Variants in PCDHGA3 observed in about 807,000 individuals in gnomAD.
The protein encoded by PCDHGA3 is protocadherin gamma-A3.
In PCDHGA3, 40 loss-of-function variants were observed where a neutral mutation model predicts 58.5. The ratio of observed to expected loss-of-function variants is 0.68; its 90% CI spans 0.53 to 0.89. PCDHGA3 has a LOEUF of 0.89. PCDHGA3 is among the 40% of genes least tolerant of loss of function. PCDHGA3 has a pLI of 0.00. For synonymous variants in PCDHGA3, 530 were observed against 525.7 expected (o/e 1.01, Z -0.11); for missense variants, 1,223 against 1,195.9 (o/e 1.02, Z -0.33).
At chr5:141,453,201 C>A (rs115660512) in intron 1 of PCDHGA3, among the ~76,000 whole-genome samples, 1 of 152,206 alleles carries the variant, frequency 6.6e-6, no homozygotes, top group South Asian at 2.1e-4. Flanking sequence ...GCAGCCTCAA[C>A]CTCGTGCACT....
chr5:141,357,517 C>T (rs1051091923), intron 1 of PCDHGA3: 6 of 1,614,246 alleles, frequency 3.7e-6, no homozygotes, highest in Non-Finnish European at 5.1e-6. Flanking sequence ...CTTCTCCCAA[C>T]CCAGCTATGC....
At chr5:141,468,402 T>A (rs2154569909) in intron 1 of PCDHGA3, 1 of 150,014 alleles carries the variant, frequency 6.7e-6, no homozygotes, top group East Asian at 2.0e-4. Context: ...TGGTGAGAAC[T>A]AATAATAAGT....
chr5:141,405,187 GGTTCGAGCTT>G (rs2094622612), intron 1 of PCDHGA3: 1 of 1,613,360 alleles, frequency 6.2e-7, no homozygotes, highest in African/African-American at 1.3e-5. Context: ...GTGTAGATGG[GGTTCGAGCTT>G]TCCTACAGAC....
chr5:141,398,842 C>T (rs2093712910), intron 1 of PCDHGA3: 2 of 1,613,974 alleles, frequency 1.2e-6, no homozygotes, highest in Non-Finnish European at 1.7e-6. Flanking sequence ...CAATGATAAT[C>T]CCCCGGTATT....
intron 1 of PCDHGA3, among the ~76,000 whole-genome samples, chr5:141,354,582 G>A (rs748405111): frequency 1.3e-5 from 2 of 152,178 alleles, no homozygotes; most frequent in Non-Finnish European, 2.9e-5. Flanking sequence ...CATAAATTGG[G>A]ACTAAAGCCA....
At chr5:141,455,430 G>C (rs190218223) in intron 1 of PCDHGA3, among the ~76,000 whole-genome samples, 1 of 152,274 alleles carries the variant, frequency 6.6e-6, no homozygotes, top group Admixed American at 6.5e-5. Flanking sequence ...CTCCAAAAGA[G>C]GAGGTCCCCA....
intron 1 of PCDHGA3, chr5:141,365,876 G>T: frequency 1.2e-6 from 2 of 1,614,122 alleles, no homozygotes; most frequent in Non-Finnish European, 1.7e-6. Context: ...TGTCCTGTAT[G>T]CTCTGAGATC....
intron 1 of PCDHGA3, chr5:141,413,677 G>T (rs539552615): frequency 6.2e-7 from 1 of 1,613,794 alleles, no homozygotes; most frequent in East Asian, 2.2e-5. Flanking sequence ...GGATGTGGGC[G>T]TGAACTCCCT....
At chr5:141,368,400 C>T (rs1765636638) in intron 1 of PCDHGA3, among the ~76,000 whole-genome samples, 1 of 152,106 alleles carries the variant, frequency 6.6e-6, no homozygotes, top group Admixed American at 6.6e-5. Flanking sequence ...CACAAACACA[C>T]ATACATACAC....
intron 1 of PCDHGA3, chr5:141,357,431 A>T: frequency 6.2e-7 from 1 of 1,614,198 alleles, no homozygotes; most frequent in Non-Finnish European, 8.5e-7. Context: ...GTGGGCGTGG[A>T]CGGGGTTCGG....
chr5:141,500,005 G>A (rs994274763), intron 2 of PCDHGA3, among the ~76,000 whole-genome samples: 30 of 151,476 alleles, frequency 2.0e-4, no homozygotes, highest in Non-Finnish European at 3.8e-4. Context: ...TCTTTCATAA[G>A]GTCCACATTT....
At chr5:141,484,425 A>G (rs2099596309) in intron 1 of PCDHGA3, among the ~76,000 whole-genome samples, 3 of 152,192 alleles carry the variant, frequency 2.0e-5, no homozygotes, top group African/African-American at 7.2e-5. Flanking sequence ...TACAATGAGA[A>G]CATGTACTGC....
rs1202100936 is a variant in PCDHGA3, at chr5:141,345,105, G to C, written c.1072G>C (p.Glu358Gln). Residue 358 changes from glutamate to glutamine, a missense_variant, in exon 1 of 4, where the codon GAA becomes CAA. Coordinates refer to ENST00000253812, the MANE Select transcript of PCDHGA3 (RefSeq NM_018916.4). Reference sequence around the variant, plus strand: ...CACGTCTCTCACAAGCTCAGTCCCAGAAGAGGGCACCGTTGGAAGAGAAAT... The same window carrying C: ...CACGTCTCTCACAAGCTCAGTCCCACAAGAGGGCACCGTTGGAAGAGAAAT... ...TITSLTSSVP[E>Q]EGTVGREIAL... The C allele has an allele frequency of 1.9e-6, 3 of 1,614,016 alleles. No individual in the cohort carries two copies. The highest frequency in any genetic ancestry group is 2.2e-5 in the East Asian group (1 of 44,886).
intron 1 of PCDHGA3, among the ~76,000 whole-genome samples, chr5:141,467,296 A>T (rs1032802325): frequency 1.3e-5 from 2 of 151,740 alleles, no homozygotes; most frequent in South Asian, 4.2e-4. Flanking sequence ...CAAGTGATCC[A>T]CTCACCTCGG....
intron 1 of PCDHGA3, chr5:141,396,409 A>C (rs2093377043): frequency 6.6e-6 from 1 of 152,270 alleles, no homozygotes; most frequent in Non-Finnish European, 1.5e-5. Context: ...ACCTGAGGTC[A>C]GGAGTTCAAG....
intron 1 of PCDHGA3, chr5:141,400,547 C>T (rs534226736): frequency 2.5e-6 from 4 of 1,613,676 alleles, no homozygotes; most frequent in Non-Finnish European, 3.4e-6. Context: ...TATGTCTATT[C>T]TTTTTCATTA....
intron 1 of PCDHGA3, among the ~76,000 whole-genome samples, chr5:141,348,961 C>G (rs371733898): frequency 1.3e-5 from 2 of 152,230 alleles, no homozygotes; most frequent in East Asian, 3.9e-4. Flanking sequence ...AGAATAAGTT[C>G]CAAAATTGGG....
In PCDHGA3 at chr5:141,476,374, GTTTGTGAACGACCGTC is replaced by G. The variant is rs1424626307; in HGVS notation, c.2425-18431_2425-18416del. 1 of 1,614,060 alleles carries G rather than the reference GTTTGTGAACGACCGTC, an allele frequency of 6.2e-7. No individual in the cohort carries two copies. The highest frequency in any genetic ancestry group is 1.3e-5 in the African/African-American group (1 of 74,922). Reference sequence around the variant, plus strand: ...AGGTGAACCGGGAGACCGGAGAGATGTTTGTGAACGACCGTCTGGATCGAGAGGAGCTGTGTGGGAC... The same window carrying G: ...AGGTGAACCGGGAGACCGGAGAGATGTGGATCGAGAGGAGCTGTGTGGGAC... On this transcript the variant is annotated intron_variant, in intron 1 of 3. Coordinates refer to ENST00000253812, the MANE Select transcript of PCDHGA3 (RefSeq NM_018916.4). The surrounding 1 kb of genome is among the most constrained non-coding windows in gnomAD (Gnocchi z 7.6).
Position 141,390,485 on chromosome 5 carries a change from T to G in PCDHGA3, c.2424+44028T>G, listed in dbSNP as rs919971230. On this transcript the variant is annotated intron_variant, in intron 1 of 3. Transcript: ENST00000253812. The stretch of plus-strand genomic sequence containing the variant: ...GCAATTGTGTGGCCCAACATTTGTT[T>G]GTTTTTTAGCCAAGCTTAGATTTAT... The G allele has an allele frequency of 1.4e-5, 9 of 656,166 alleles. No homozygotes were observed. The African/African-American group carries it at 1.5e-4, about 11-fold the overall frequency. The allele number at this position is 656,166 out of a possible 1,614,324, so 40.6% of individuals were successfully genotyped here.
Sources: allele counts gnomAD v4.1 joint callset (sites outside exome capture counted in the v4.1 genomes callset), GRCh38; gene constraint gnomAD v4.1.1; non-coding constraint Gnocchi (gnomAD v3.1); transcripts MANE v1.5; gene names NCBI Gene and HGNC (gene_info 2026-07-23, HGNC 2026-07-21).